The following MEGF11 variants were observed in gnomAD, a reference collection of about 807,000 sequenced individuals.
MEGF11 encodes multiple EGF like domains 11, also known as multiple epidermal growth factor-like domains protein 11.
In MEGF11, 126 loss-of-function variants were observed where a neutral mutation model predicts 146.6. That is an observed-to-expected ratio of 0.86 (90% confidence interval 0.74 to 1.00). MEGF11 has a LOEUF of 1.00. MEGF11 is among the 50% of genes least tolerant of loss of function. The probability of loss-of-function intolerance (pLI) is 0.00; values close to 1 mark genes in which losing one functional copy is unlikely to be tolerated. For missense variants in MEGF11, 1,509 were observed against 1,521.2 expected (o/e 0.99, Z 0.13); for synonymous variants, 532 against 583.4 (o/e 0.91, Z 1.27).
chr15:66,235,283 C>A (rs940634070), intron 1 of MEGF11, among the ~76,000 whole-genome samples: 10 of 152,010 alleles, frequency 6.6e-5, no homozygotes, highest in South Asian at 4.1e-4. Context: ...AGGAGGATTG[C>A]TTGAGTCCAG....
intron 1 of MEGF11, among the ~76,000 whole-genome samples, chr15:66,224,032 A>T (rs2091793931): frequency 6.6e-6 from 1 of 152,112 alleles, no homozygotes; most frequent in South Asian, 2.1e-4. Context: ...ATCAGTCATG[A>T]TGGGGGAAAT....
chr15:66,049,558 C>T lies in MEGF11; in HGVS notation c.394+44844G>A, dbSNP rs76064868. 4.2e-4 allele frequency among the ~76,000 whole-genome samples: 64 copies of T among 152,274 alleles called. 1 individual carries two copies. The East Asian group carries it at 0.012, about 28-fold the overall frequency. On this transcript the variant is annotated intron_variant, in intron 5 of 25. Transcript: ENST00000395614. The stretch of plus-strand genomic sequence containing the variant: ...CGCCTGTGGAAGCGTTTTCCCCACC[C>T]CATGCCATTTGCATACTTTACAGGG...
rs369208864 is a variant in MEGF11 at position 65,982,780 on chromosome 15, C to T, written c.395-292G>A. 3.3e-5 allele frequency among the ~76,000 whole-genome samples: 5 copies of T among 152,286 alleles called. No individual in the cohort carries two copies. In the South Asian group the frequency reaches 1.0e-3, roughly 32 times the overall value. On this transcript the variant is annotated intron_variant, in intron 5 of 25. Coordinates refer to ENST00000395614, the MANE Select transcript of MEGF11 (RefSeq NM_001385028.1). This position sits in a 1 kb window ranked among gnomAD's most constrained non-coding sequence, Gnocchi z 5.6. ...CTTCCAACCAAATGGCTGCCCTAAG[C>T]CCCCCTCTCCTGTATTGAAATTCCG...
At chr15:65,931,819 A>G (rs569196275) in intron 10 of MEGF11, among the ~76,000 whole-genome samples, 6 of 152,378 alleles carry the variant, frequency 3.9e-5, no homozygotes, top group Admixed American at 3.3e-4. Context: ...ATCATGTGCC[A>G]TACACACTAT....
chr15:66,202,127 G>GCA (rs148469468), intron 1 of MEGF11, among the ~76,000 whole-genome samples: 3 of 142,750 alleles, frequency 2.1e-5, no homozygotes, highest in Non-Finnish European at 3.1e-5. Context: ...ACGCGTGCAT[G>GCA]CACACACACA....
intron 1 of MEGF11, among the ~76,000 whole-genome samples, chr15:66,220,526 G>T (rs1011967380): frequency 2.1e-4 from 24 of 115,130 alleles, no homozygotes; most frequent in African/African-American, 6.7e-4. Flanking sequence ...GTTTCGTTGG[G>T]TTTTTTTTTT....
At chr15:66,108,735 A>C (rs963928590) in intron 4 of MEGF11, among the ~76,000 whole-genome samples, 7 of 152,176 alleles carry the variant, frequency 4.6e-5, no homozygotes, top group African/African-American at 1.7e-4. Flanking sequence ...GGGCCAGGCT[A>C]TGTGGGGCTT....
chr15:66,214,916 AG>A (rs1396448588), intron 1 of MEGF11, among the ~76,000 whole-genome samples: 1 of 151,976 alleles, frequency 6.6e-6, no homozygotes, highest in Non-Finnish European at 1.5e-5. Context: ...AGGGGAGGGG[AG>A]GGGTGCAGAG....
rs565210995 is a variant in MEGF11 at position 66,151,249 on chromosome 15, C to G, written c.-8-22838G>C. Among the ~76,000 whole-genome samples, 8 of 152,296 alleles carry G rather than the reference C, an allele frequency of 5.3e-5. No individual in the cohort carries two copies. The South Asian group carries it at 1.7e-3, about 32-fold the overall frequency. On this transcript the variant is annotated intron_variant, in intron 1 of 25. Transcript: ENST00000395614. Reference sequence around the variant, plus strand: ...ATGTCTCCTGCCCCTCAGACTCCTCCCTAGACCAGAAGGGAGGACAGAGCA... The same window carrying G: ...ATGTCTCCTGCCCCTCAGACTCCTCGCTAGACCAGAAGGGAGGACAGAGCA...
At chr15:65,955,861 G>A (rs333568) in intron 10 of MEGF11, among the ~76,000 whole-genome samples, 114,547 of 120,108 alleles carry the variant, frequency 0.95, 55,098 homozygotes, top group East Asian at 1. Context: ...AATGATTGAG[G>A]TATTTTATAT....
At position 66,017,963 on chromosome 15, in the gene MEGF11, A is replaced by G. The variant is rs552285916; in HGVS notation, c.395-35475T>C. On this transcript the variant is annotated intron_variant, in intron 5 of 25. Transcript: ENST00000395614. The stretch of plus-strand genomic sequence containing the variant: ...GGAAGGAGCCGCTCGCAGGGCAGGC[A>G]AAGAGCCTGATTGTCACACTTCAGG... 5.3e-5 allele frequency among the ~76,000 whole-genome samples: 8 copies of G among 152,298 alleles called. No homozygotes were observed. The South Asian group carries it at 1.2e-3, about 24-fold the overall frequency.
At chr15:65,961,169 C>G (rs1281914481) in intron 9 of MEGF11, among the ~76,000 whole-genome samples, 1 of 152,176 alleles carries the variant, frequency 6.6e-6, no homozygotes, top group Non-Finnish European at 1.5e-5. Context: ...CCAGGCATCC[C>G]TTCTTCCTGG....
intron 19 of MEGF11, among the ~76,000 whole-genome samples, chr15:65,914,844 A>G (rs1419007110): frequency 1.3e-5 from 2 of 152,240 alleles, no homozygotes; most frequent in African/African-American, 4.8e-5. Flanking sequence ...GCAGCACATT[A>G]TAAAGGCTTT....
At chr15:66,135,755 G>A (rs1192095863) in intron 1 of MEGF11, among the ~76,000 whole-genome samples, 1 of 152,136 alleles carries the variant, frequency 6.6e-6, no homozygotes, top group African/African-American at 2.4e-5. Flanking sequence ...ACTCCATCCT[G>A]TAGGGGCTCA....
chr15:65,913,531 T>C (rs897524254), intron 20 of MEGF11: 1 of 602,432 alleles, frequency 1.7e-6, no homozygotes, highest in Non-Finnish European at 2.9e-6. Flanking sequence ...CCACAGCTGC[T>C]CAGAGCTAGG....
chr15:66,130,094 A>G (rs1329259936), intron 1 of MEGF11, among the ~76,000 whole-genome samples: 1 of 152,098 alleles, frequency 6.6e-6, no homozygotes, highest in African/African-American at 2.4e-5. Context: ...GCTCCACACA[A>G]ACTGGAGTCT....
intron 21 of MEGF11, among the ~76,000 whole-genome samples, chr15:65,910,724 C>T (rs1764431333): frequency 6.6e-6 from 1 of 152,198 alleles, no homozygotes. Flanking sequence ...TGGACCAGGT[C>T]TGTAGGCTGA....
At chr15:66,023,151 A>AAAAAAAAAAAAC (rs768042311) in intron 5 of MEGF11, among the ~76,000 whole-genome samples, 2 of 150,116 alleles carry the variant, frequency 1.3e-5, no homozygotes, top group Non-Finnish European at 1.5e-5. Context: ...AAAAAAAAAA[A>AAAAAAAAAAAAC]AAAACAAACT....
intron 1 of MEGF11, among the ~76,000 whole-genome samples, chr15:66,175,481 C>T (rs2090368787): frequency 6.6e-6 from 1 of 152,040 alleles, no homozygotes; most frequent in African/African-American, 2.4e-5. Flanking sequence ...ACATATAAGC[C>T]AATAAAACAG....
Sources: allele counts gnomAD v4.1 joint callset (sites outside exome capture counted in the v4.1 genomes callset), GRCh38; gene constraint gnomAD v4.1.1; non-coding constraint Gnocchi (gnomAD v3.1); transcripts MANE v1.5; gene names NCBI Gene and HGNC (gene_info 2026-07-23, HGNC 2026-07-21).